The following ULK4 variants were observed in gnomAD, a reference collection of about 807,000 sequenced individuals.
The protein encoded by ULK4 is inactive serine/threonine-protein kinase ULK4.
A neutral mutation model predicts 160.6 loss-of-function variants in ULK4; 133 were observed. The ratio of observed to expected loss-of-function variants is 0.83; its 90% CI spans 0.72 to 0.96. The LOEUF (loss-of-function observed/expected upper bound fraction) is 0.96. Ranked by LOEUF, ULK4 falls within the 40% of genes least tolerant of loss-of-function variation. ULK4 has a pLI of 0.00. For synonymous variants in ULK4, 534 were observed against 539.8 expected (o/e 0.99, Z 0.15); for missense variants, 1,580 against 1,499.5 (o/e 1.05, Z -0.89).
At chr3:41,289,154 GGTTTGTTTT>G (rs1173891910) in intron 35 of ULK4, among the ~76,000 whole-genome samples, 1 of 152,118 alleles carries the variant, frequency 6.6e-6, no homozygotes, top group African/African-American at 2.4e-5. Flanking sequence ...TATTTGAATT[GGTTTGTTTT>G]GTTTGTTTTT....
At chr3:41,406,325 A>G (rs551759103) in intron 34 of ULK4, among the ~76,000 whole-genome samples, 2 of 152,208 alleles carry the variant, frequency 1.3e-5, no homozygotes, top group African/African-American at 4.8e-5. Context: ...TCATTGGTCT[A>G]TGTGTCTGTT....
At chr3:41,426,125 C>A (rs2082770963) in intron 34 of ULK4, among the ~76,000 whole-genome samples, 1 of 152,106 alleles carries the variant, frequency 6.6e-6, no homozygotes, top group Non-Finnish European at 1.5e-5. Context: ...TCAGGGGTTG[C>A]AATCCTAGTT....
At chr3:41,883,453 G>A (rs571319256) in intron 17 of ULK4, among the ~76,000 whole-genome samples, 24 of 152,268 alleles carry the variant, frequency 1.6e-4, no homozygotes, top group South Asian at 1.0e-3. Context: ...TGTAACATAC[G>A]TTAACGGAAT....
intron 32 of ULK4, among the ~76,000 whole-genome samples, chr3:41,556,425 C>T (rs1414314535): frequency 6.6e-6 from 1 of 150,974 alleles, no homozygotes; most frequent in Admixed American, 6.6e-5. Flanking sequence ...AGAGCTATCA[C>T]TACTATCATA....
At chr3:41,578,501 C>T (rs1390351234) in intron 31 of ULK4, among the ~76,000 whole-genome samples, 2 of 152,104 alleles carry the variant, frequency 1.3e-5, no homozygotes, top group Admixed American at 6.5e-5. Context: ...TTAATGGTTG[C>T]GACAGTATAA....
intron 29 of ULK4, among the ~76,000 whole-genome samples, chr3:41,672,692 G>C (rs1046383731): frequency 6.6e-6 from 1 of 152,130 alleles, no homozygotes; most frequent in African/African-American, 2.4e-5. Context: ...ATAGCTAAAA[G>C]AGAGAACTTG....
At chr3:41,573,090 T>C (rs2088060514) in intron 31 of ULK4, among the ~76,000 whole-genome samples, 1 of 152,174 alleles carries the variant, frequency 6.6e-6, no homozygotes, top group African/African-American at 2.4e-5. Flanking sequence ...GCATGGACAT[T>C]TAATAAACAC....
intron 21 of ULK4, among the ~76,000 whole-genome samples, chr3:41,781,094 T>C (rs2039825210): frequency 6.6e-6 from 1 of 152,008 alleles, no homozygotes; most frequent in African/African-American, 2.4e-5. Context: ...TCTCTATACA[T>C]ACAGAGAGAG....
chr3:41,919,598 T>C, intron 6 of ULK4, 119 bp downstream of exon 6: 1 of 832,516 alleles, frequency 1.2e-6, no homozygotes, highest in Non-Finnish European at 1.9e-6. Context: ...CGAGACTCTG[T>C]CTCAAAATAA....
At chr3:41,933,695 G>A (rs981462922) in intron 4 of ULK4, among the ~76,000 whole-genome samples, 1 of 150,030 alleles carries the variant, frequency 6.7e-6, no homozygotes, top group Non-Finnish European at 1.5e-5. Context: ...AAGAGTGTTG[G>A]ATTTTTTTTT....
intron 12 of ULK4, among the ~76,000 whole-genome samples, chr3:41,903,566 C>A (rs1716662): frequency 6.6e-6 from 1 of 150,442 alleles, no homozygotes; most frequent in African/African-American, 2.5e-5. Flanking sequence ...TCTGGGCAAA[C>A]AGAGCGAGAC....
intron 1 of ULK4, among the ~76,000 whole-genome samples, chr3:41,957,890 A>T (rs1459846111): frequency 3.3e-5 from 5 of 151,918 alleles, no homozygotes; most frequent in Non-Finnish European, 5.9e-5. Context: ...AAAAATTTTT[A>T]AAAATTAGCC....
At chr3:41,609,988 A>T (rs2032589247) in intron 31 of ULK4, among the ~76,000 whole-genome samples, 1 of 151,730 alleles carries the variant, frequency 6.6e-6, no homozygotes, top group South Asian at 2.1e-4. Flanking sequence ...AGAAAAAAAA[A>T]AAAGTAAAGA....
chr3:41,391,515 A>T (rs1239782522), intron 35 of ULK4, among the ~76,000 whole-genome samples: 1 of 151,792 alleles, frequency 6.6e-6, no homozygotes. Context: ...CTCAAGGAAT[A>T]TTTCTTTACT....
chr3:41,685,770 G>C (rs1442913440), intron 27 of ULK4, among the ~76,000 whole-genome samples: 3 of 152,052 alleles, frequency 2.0e-5, no homozygotes, highest in Non-Finnish European at 4.4e-5. Context: ...CAGAGAGTCT[G>C]TCTGGGAATT....
intron 21 of ULK4, among the ~76,000 whole-genome samples, chr3:41,770,591 C>A (rs554471107): frequency 5.3e-5 from 8 of 150,150 alleles, no homozygotes; most frequent in African/African-American, 9.9e-5. Context: ...CTCACTGCAA[C>A]CTCCAGTCTC....
At chr3:41,563,672 C>A (rs184412929) in intron 32 of ULK4, among the ~76,000 whole-genome samples, 1 of 152,190 alleles carries the variant, frequency 6.6e-6, no homozygotes, top group Non-Finnish European at 1.5e-5. Context: ...CTTGTGCATG[C>A]GTCACGAAGT....
At chr3:41,415,937 A>G (rs1011123176) in intron 34 of ULK4, among the ~76,000 whole-genome samples, 6 of 152,196 alleles carry the variant, frequency 3.9e-5, no homozygotes, top group Admixed American at 3.9e-4. Context: ...AAAGAGAGAT[A>G]CCCTCAAGTA....
chr3:41,916,043 CG>C lies in ULK4; in HGVS notation c.736del (p.Arg246ValfsTer24). ...AATAAAATCTGAAGAAGCTTTAGGA[CG>C]AGAAGAATCTATAAATGAATTAATT... ...PLPPIPKDSS[R>X]PKASSDFINL... On this transcript the variant is annotated frameshift_variant, in exon 8 of 37. Transcript: ENST00000301831. LOFTEE classifies it high-confidence loss of function. The C allele has an allele frequency of 6.3e-7, 1 of 1,576,380 alleles. No individual in the cohort carries two copies. Among genetic ancestry groups the C allele is most frequent in the South Asian group, 1.2e-5 (1 of 84,074 alleles).
Sources: gnomAD v4.1 joint callset for allele counts (sites outside exome capture counted in the v4.1 genomes callset) on GRCh38, gnomAD v4.1.1 for gene constraint, MANE v1.5 for transcripts, NCBI Gene and HGNC (gene_info 2026-07-23, HGNC 2026-07-21) for gene names.